CCDC73: variants seen among roughly 807,000 people sequenced by gnomAD.
The protein encoded by CCDC73 is coiled-coil domain-containing protein 73.
Under a neutral mutation model 116.5 loss-of-function variants are expected in CCDC73, and 95 were observed. The observed-to-expected ratio is 0.82, with a 90% CI of 0.69 to 0.97. The LOEUF (loss-of-function observed/expected upper bound fraction) is 0.97, where lower values mean the gene tolerates loss of function less well. Ranked by LOEUF, CCDC73 falls within the 50% of genes least tolerant of loss-of-function variation. CCDC73 has a pLI of 0.00. For missense variants in CCDC73, 1,066 were observed against 1,206.8 expected, an observed-to-expected ratio of 0.88 and a Z score of 1.73; for synonymous variants, 398 against 401.3, an observed-to-expected ratio of 0.99 and a Z score of 0.10.
intron 7 of CCDC73, chr11:32,683,031 T>G (rs1026669917): frequency 6.5e-6 from 1 of 154,000 alleles, no homozygotes; most frequent in East Asian, 1.9e-4. Flanking sequence ...TATTTGTTTT[T>G]ACTATAAGAC....
rs551162860 is a variant in CCDC73 at position 32,757,553 on chromosome 11, T to A, written c.135+2556A>T. ...CTTAAAACAACTCAAATTTATTCTG[T>A]TGCAGTTCTGGAGGTCAGAAGTCCA... On this transcript the variant is annotated intron_variant, in intron 2 of 17. Transcript: ENST00000335185. 2.0e-5 allele frequency among the ~76,000 whole-genome samples: 3 copies of A among 152,282 alleles called. No individual in the cohort carries two copies. The South Asian group carries it at 6.2e-4, about 32-fold the overall frequency.
chr11:32,748,916 T>C (rs1027828077), intron 2 of CCDC73, among the ~76,000 whole-genome samples: 5 of 152,208 alleles, frequency 3.3e-5, no homozygotes, highest in African/African-American at 1.2e-4. Context: ...GCCAGATGTA[T>C]TGGAGCTCCA....
chr11:32,776,936 A>AT lies in CCDC73; in HGVS notation c.-15-16679_-15-16678insA, dbSNP rs1554970184. Among the ~76,000 whole-genome samples, 236 of 36,430 alleles carry AT rather than the reference A, an allele frequency of 6.5e-3. 3 individuals carry two copies. The highest frequency in any genetic ancestry group is 0.045 in the South Asian group (63 of 1,402). 23.9% of individuals were successfully genotyped at this position (36,430 alleles called of 152,430 possible). ...CTACAGAGTATGGTTAAAAAAAAAA[A>AT]ATATATATATATATATATATATATA... On this transcript the variant is annotated intron_variant, in intron 1 of 17. Transcript: ENST00000335185.
intron 6 of CCDC73, among the ~76,000 whole-genome samples, chr11:32,689,235 T>C (rs78015563): frequency 0.05 from 7,679 of 152,124 alleles, 224 homozygotes; most frequent in African/African-American, 0.073. Flanking sequence ...CTGCATGGTA[T>C]GTACATCCTA....
At chr11:32,820,967 A>G in the CCDC73 span, among the ~76,000 whole-genome samples, 44 of 152,054 alleles carry the variant, frequency 2.9e-4, no homozygotes, top group Non-Finnish European at 5.1e-4. Context: ...AAAGATCTCT[A>G]CCCTTTATCT....
intron 2 of CCDC73, among the ~76,000 whole-genome samples, chr11:32,747,097 C>T (rs900653210): frequency 8.5e-5 from 13 of 152,168 alleles, no homozygotes; most frequent in African/African-American, 1.4e-4. Context: ...TGGTGACCTA[C>T]GGATGGTGTT....
chr11:32,656,959 CA>C (rs1336847657), intron 9 of CCDC73, among the ~76,000 whole-genome samples: 2 of 152,064 alleles, frequency 1.3e-5, no homozygotes, highest in Non-Finnish European at 2.9e-5. Context: ...AAAATAAAAA[CA>C]TTTTTTGTAG....
intron 16 of CCDC73, among the ~76,000 whole-genome samples, chr11:32,613,145 A>T (rs1443646432): frequency 3.9e-5 from 6 of 152,216 alleles, no homozygotes; most frequent in Admixed American, 3.9e-4. Flanking sequence ...AAGAAAGACA[A>T]CATAGGAGAG....
intron 14 of CCDC73, among the ~76,000 whole-genome samples, chr11:32,633,109 A>G (rs1201550863): frequency 6.6e-6 from 1 of 152,170 alleles, no homozygotes; most frequent in East Asian, 1.9e-4. Context: ...GCTGGAGTGC[A>G]GTGGCACGAT....
chr11:32,723,602 G>T (rs1850008127), intron 2 of CCDC73, among the ~76,000 whole-genome samples: 1 of 152,144 alleles, frequency 6.6e-6, no homozygotes, highest in African/African-American at 2.4e-5. Flanking sequence ...AATTGAAGAG[G>T]CCTGACCAAT....
upstream of CCDC73, among the ~76,000 whole-genome samples, chr11:32,796,373 T>C (rs1294622822): frequency 6.6e-6 from 1 of 152,240 alleles, no homozygotes; most frequent in African/African-American, 2.4e-5. Flanking sequence ...AGCTATACTC[T>C]AATAATAACT....
chr11:32,814,844 C>A, the CCDC73 span, among the ~76,000 whole-genome samples: 1 of 152,040 alleles, frequency 6.6e-6, no homozygotes, highest in African/African-American at 2.4e-5. Context: ...ACTATTTAGC[C>A]ATATAAAGGA....
chr11:32,811,250 CT>C, the CCDC73 span, among the ~76,000 whole-genome samples: 2 of 152,286 alleles, frequency 1.3e-5, no homozygotes, highest in South Asian at 4.1e-4. Flanking sequence ...ACTAGTCACT[CT>C]CCTGAAATTT....
chr11:32,711,881 A>G (rs1849903393), intron 3 of CCDC73, among the ~76,000 whole-genome samples: 2 of 152,174 alleles, frequency 1.3e-5, no homozygotes, highest in South Asian at 2.1e-4. Flanking sequence ...ACAGAACACC[A>G]TGGGAGTCAT....
chr11:32,678,923 G>GAC (rs1261529705), intron 7 of CCDC73, among the ~76,000 whole-genome samples: 3 of 149,384 alleles, frequency 2.0e-5, no homozygotes, highest in East Asian at 3.9e-4. Flanking sequence ...CACACACACA[G>GAC]ACACACACAC....
chr11:32,703,442 T>C (rs1265820048), intron 3 of CCDC73, among the ~76,000 whole-genome samples: 1 of 152,024 alleles, frequency 6.6e-6, no homozygotes, highest in African/African-American at 2.4e-5. Flanking sequence ...TTTTGCTTCC[T>C]GTTGCTTTTT....
intron 2 of CCDC73, among the ~76,000 whole-genome samples, chr11:32,733,583 T>G (rs747431080): frequency 6.6e-6 from 1 of 152,160 alleles, no homozygotes; most frequent in Non-Finnish European, 1.5e-5. Context: ...CAGACTACAG[T>G]GCAATCAAAC....
At chr11:32,751,645 C>T (rs565805682) in intron 2 of CCDC73, among the ~76,000 whole-genome samples, 242 of 152,280 alleles carry the variant, frequency 1.6e-3, no homozygotes, top group African/African-American at 5.6e-3. Flanking sequence ...ATCATGTGGC[C>T]ACTGCAGGGG....
chr11:32,782,418 T>G (rs184960059), intron 1 of CCDC73, among the ~76,000 whole-genome samples: 80 of 152,220 alleles, frequency 5.3e-4, no homozygotes, highest in Non-Finnish European at 9.0e-4. Flanking sequence ...ACAAATAATA[T>G]GATAACAGGA....
Sources: gnomAD v4.1 joint callset for allele counts (sites outside exome capture counted in the v4.1 genomes callset) on GRCh38, gnomAD v4.1.1 for gene constraint, MANE v1.5 for transcripts, NCBI Gene and HGNC (gene_info 2026-07-23, HGNC 2026-07-21) for gene names.